CMTM4: variants seen among roughly 807,000 people sequenced by gnomAD.
The protein encoded by CMTM4 is CKLF-like MARVEL transmembrane domain-containing protein 4.
In CMTM4, 8 loss-of-function variants were observed where a neutral mutation model predicts 19.0. The observed-to-expected ratio is 0.42, with a 90% CI of 0.25 to 0.76. The LOEUF (loss-of-function observed/expected upper bound fraction) is 0.76. CMTM4 is among the 30% of genes least tolerant of loss of function. The pLI, the probability that CMTM4 is intolerant of heterozygous loss-of-function variation, is 0.27. For missense variants in CMTM4, 228 were observed against 290.2 expected (o/e 0.79, Z 1.56); for synonymous variants, 106 against 121.1 (o/e 0.88, Z 0.82).
intron 1 of CMTM4, among the ~76,000 whole-genome samples, chr16:66,648,969 C>CA (rs1304709733): frequency 6.6e-6 from 1 of 151,568 alleles, no homozygotes; most frequent in African/African-American, 2.4e-5. Flanking sequence ...GAGACTCTGT[C>CA]AAAAAAAGAA....
At chr16:66,642,938 C>T (rs11864212) in intron 1 of CMTM4, among the ~76,000 whole-genome samples, 1 of 152,076 alleles carries the variant, frequency 6.6e-6, no homozygotes, top group African/African-American at 2.4e-5. Context: ...GGTTTTGTTT[C>T]GTTTGTTGCC....
rs549825080 is a variant in CMTM4, at chr16:66,645,534, G to A, written c.187-8953C>T. Among the ~76,000 whole-genome samples, 37 of 152,120 alleles carry A rather than the reference G, an allele frequency of 2.4e-4. No individual in the cohort carries two copies. The South Asian group carries it at 6.0e-3, about 25-fold the overall frequency. ...AGAGGTTGCAGTGAGCCAAGATTGCGCCACTGCATTCCAGCCTGGGCGACA... is the reference window on the plus strand; with the variant it reads ...AGAGGTTGCAGTGAGCCAAGATTGCACCACTGCATTCCAGCCTGGGCGACA... On this transcript the variant is annotated intron_variant, in intron 1 of 3. Coordinates refer to ENST00000394106, the MANE Select transcript of CMTM4 (RefSeq NM_181521.3).
chr16:66,606,448 TC>T, the CMTM4 span, among the ~76,000 whole-genome samples: 1 of 152,054 alleles, frequency 6.6e-6, no homozygotes, highest in South Asian at 2.1e-4. Flanking sequence ...AGTCTATCTT[TC>T]CAAAGGGGGC....
intron 2 of CMTM4, among the ~76,000 whole-genome samples, chr16:66,624,278 T>C (rs745548690): frequency 2.6e-5 from 4 of 152,236 alleles, no homozygotes; most frequent in Non-Finnish European, 4.4e-5. Context: ...CCTACATATT[T>C]ACTGTCACTT....
At chr16:66,653,913 T>G (rs941884782) in intron 1 of CMTM4, among the ~76,000 whole-genome samples, 2 of 151,854 alleles carry the variant, frequency 1.3e-5, no homozygotes, top group African/African-American at 4.8e-5. Flanking sequence ...TTTTATGTGT[T>G]TTTTTTTAGT....
intron 2 of CMTM4, among the ~76,000 whole-genome samples, chr16:66,626,878 T>C (rs986369972): frequency 1.3e-5 from 2 of 151,642 alleles, no homozygotes; most frequent in East Asian, 1.9e-4. Context: ...GGTGGGTGGA[T>C]TGTTTGAGCT....
chr16:66,649,959 T>A (rs751444358), intron 1 of CMTM4, among the ~76,000 whole-genome samples: 10 of 152,142 alleles, frequency 6.6e-5, no homozygotes, highest in Non-Finnish European at 1.2e-4. Flanking sequence ...AGGTCTCAGT[T>A]CCAGTCCAGC....
intron 1 of CMTM4, among the ~76,000 whole-genome samples, chr16:66,667,758 G>A (rs1271798991): frequency 6.6e-6 from 1 of 151,980 alleles, no homozygotes. Context: ...GTGTTGTGGT[G>A]TGTGCCTGTA....
At position 66,689,286 on chromosome 16, in the gene CMTM4, G is replaced by A. The variant is rs147914922; in HGVS notation, c.186+7054C>T. The stretch of plus-strand genomic sequence containing the variant: ...TGTTAGCTGTAGATTTTTTGTAGAT[G>A]CCCTTTTTCAGGTTGAAGAAGTTCC... On this transcript the variant is annotated intron_variant, in intron 1 of 3. Transcript: ENST00000394106. Among the ~76,000 whole-genome samples the A allele has an allele frequency of 2.0e-3, 297 of 152,206 alleles. 2 individuals carry two copies. The highest frequency in any genetic ancestry group is 6.7e-3 in the African/African-American group (278 of 41,528).
chr16:66,624,663 C>T (rs932590914), intron 2 of CMTM4, among the ~76,000 whole-genome samples: 2 of 152,106 alleles, frequency 1.3e-5, no homozygotes, highest in African/African-American at 4.8e-5. Context: ...GCTACTTGGG[C>T]AGCTGAAGTA....
At chr16:66,639,377 C>T (rs1156343872) in intron 1 of CMTM4, among the ~76,000 whole-genome samples, 3 of 152,092 alleles carry the variant, frequency 2.0e-5, no homozygotes, top group South Asian at 2.1e-4. Flanking sequence ...AATGGCTTCA[C>T]GGATATGCAA....
At chr16:66,660,293 T>A (rs1596941486) in intron 1 of CMTM4, among the ~76,000 whole-genome samples, 1 of 147,658 alleles carries the variant, frequency 6.8e-6, no homozygotes. Flanking sequence ...AAGGCAGAGG[T>A]AGGAGGATTG....
At chr16:66,654,350 G>A (rs2016361352) in intron 1 of CMTM4, among the ~76,000 whole-genome samples, 1 of 152,048 alleles carries the variant, frequency 6.6e-6, no homozygotes, top group Non-Finnish European at 1.5e-5. Flanking sequence ...GACTTCCACT[G>A]CTCCCCCTTG....
intron 1 of CMTM4, among the ~76,000 whole-genome samples, chr16:66,641,243 A>G (rs2016093259): frequency 6.6e-6 from 1 of 152,136 alleles, no homozygotes; most frequent in African/African-American, 2.4e-5. Context: ...GGTCTCACAC[A>G]GGCTGGTCTC....
At chr16:66,623,633 G>A (rs2144783988) in intron 2 of CMTM4, 131 bp from the exon 3 acceptor site, 1 of 577,904 alleles carries the variant, frequency 1.7e-6, no homozygotes, top group East Asian at 3.0e-5. Flanking sequence ...CAGTCTCAAT[G>A]TCACAGGGTT....
At chr16:66,609,524 C>T in the CMTM4 span, 25 of 1,599,776 alleles carry the variant, frequency 1.6e-5, no homozygotes, top group South Asian at 2.1e-4. This position sits in a 1 kb window ranked among gnomAD's most constrained non-coding sequence, Gnocchi z 4.4. Context: ...CTTCCAAAGC[C>T]GCTGGGGTGA....
rs2015631443 is a variant in CMTM4, at chr16:66,621,383, C to T, written c.*675G>A. 1.0e-6 allele frequency: 1 copy of T among 985,688 alleles called. No individual in the cohort carries two copies. Among genetic ancestry groups the T allele is most frequent in the Non-Finnish European group, 1.2e-6 (1 of 829,912 alleles). 61.1% of individuals were successfully genotyped at this position (985,688 alleles called of 1,614,324 possible). A position where few individuals can be genotyped will look rare whatever the true frequency, so the allele number is the denominator to read the frequency against. Reference sequence around the variant, plus strand: ...AAGATAGTCCCCATAACAAGATGGCCCCCATATTCCTGGAGAAGAATCTGG... The same window carrying T: ...AAGATAGTCCCCATAACAAGATGGCTCCCATATTCCTGGAGAAGAATCTGG... On this transcript the variant is annotated 3_prime_UTR_variant, in exon 4 of 4. Transcript: ENST00000394106.
At chr16:66,659,697 C>T (rs946817660) in intron 1 of CMTM4, among the ~76,000 whole-genome samples, 1 of 151,978 alleles carries the variant, frequency 6.6e-6, no homozygotes, top group Admixed American at 6.6e-5. Flanking sequence ...AAATAAAGTT[C>T]GTAACTGATA....
At chr16:66,685,180 C>T (rs1298777061) in intron 1 of CMTM4, among the ~76,000 whole-genome samples, 1 of 152,106 alleles carries the variant, frequency 6.6e-6, no homozygotes, top group Non-Finnish European at 1.5e-5. Flanking sequence ...TGAGGCAGCA[C>T]AGGAAATTGA....
Sources: gnomAD v4.1 joint callset for allele counts (sites outside exome capture counted in the v4.1 genomes callset) on GRCh38, gnomAD v4.1.1 for gene constraint, Gnocchi (gnomAD v3.1) non-coding constraint, MANE v1.5 for transcripts, NCBI Gene and HGNC (gene_info 2026-07-23, HGNC 2026-07-21) for gene names.